Variants in ZNF736 observed in about 807,000 individuals in gnomAD.
The protein encoded by ZNF736 is KRAB-containing zinc-finger repressor protein.
ZNF736 carries 6 observed loss-of-function variants against 11.7 expected under a neutral mutation model. The ratio of observed to expected loss-of-function variants is 0.51; its 90% CI spans 0.28 to 1.01. ZNF736 has a LOEUF of 1.01. ZNF736 is among the 50% of genes least tolerant of loss of function. The pLI, the probability that ZNF736 is intolerant of heterozygous loss-of-function variation, is 0.09. For synonymous variants in ZNF736, 139 were observed against 164.7 expected, an observed-to-expected ratio of 0.84 and a Z score of 1.19; for missense variants, 444 against 496.0, an observed-to-expected ratio of 0.90 and a Z score of 1.00.
chr7:64,345,406 T>C (rs1789396256), intron 3 of ZNF736, among the ~76,000 whole-genome samples: 1 of 152,008 alleles, frequency 6.6e-6, no homozygotes, highest in Non-Finnish European at 1.5e-5. Context: ...CAATGTTATG[T>C]CTTCCAACCC....
intron 1 of ZNF736, among the ~76,000 whole-genome samples, chr7:64,334,655 T>G (rs1378803529): frequency 6.6e-6 from 1 of 152,162 alleles, no homozygotes; most frequent in Non-Finnish European, 1.5e-5. Flanking sequence ...GGCAAGGATG[T>G]GGAGAAATAG....
intron 1 of ZNF736, among the ~76,000 whole-genome samples, chr7:64,335,620 G>T (rs1400573299): frequency 6.6e-6 from 1 of 152,152 alleles, no homozygotes; most frequent in Non-Finnish European, 1.5e-5. Flanking sequence ...GCAAAAACAA[G>T]ATTTAGCCAT....
Position 64,348,140 on chromosome 7 carries a change from G to A in ZNF736, c.277G>A (p.Asp93Asn), listed in dbSNP as rs145262202. 6.1e-3 allele frequency: 9,359 copies of A among 1,546,812 alleles called. 40 individuals carry two copies. Among genetic ancestry groups the A allele is most frequent in the Non-Finnish European group, 7.5e-3 (8,622 of 1,145,676 alleles). ...GATATTGCCGGATCATGACATAAAAGATTCATTTCAAAAAGTGATTCTGAG... is the reference window on the plus strand; with the variant it reads ...GATATTGCCGGATCATGACATAAAAAATTCATTTCAAAAAGTGATTCTGAG... ...AEILPDHDIK[D>N]SFQKVILRKY... is the part of the protein sequence containing the mutation. Residue 93 changes from aspartate (D) to asparagine (N), a missense_variant, in exon 4 of 4, where the codon GAT becomes AAT. Asp to Asn is a conservative substitution (Grantham distance 23). Transcript: ENST00000423484.
chr7:64,344,963 T>A (rs1789387710), intron 3 of ZNF736, among the ~76,000 whole-genome samples: 1 of 151,114 alleles, frequency 6.6e-6, no homozygotes, highest in South Asian at 2.1e-4. Context: ...TGAGATCTTA[T>A]GTAATTTTGT....
chr7:64,333,247 T>C (rs564601190), intron 1 of ZNF736, among the ~76,000 whole-genome samples: 1 of 152,300 alleles, frequency 6.6e-6, no homozygotes, highest in South Asian at 2.1e-4. Flanking sequence ...AACTCCTTTT[T>C]CACTTTTTAT....
At chr7:64,344,391 A>G (rs576374906) in intron 3 of ZNF736, among the ~76,000 whole-genome samples, 21 of 152,360 alleles carry the variant, frequency 1.4e-4, no homozygotes, top group African/African-American at 5.0e-4. Flanking sequence ...TTAGCAACAT[A>G]TCTTTAGAAC....
intron 3 of ZNF736, among the ~76,000 whole-genome samples, chr7:64,344,137 T>C (rs9987007): frequency 0.34 from 51,891 of 151,768 alleles, 9,537 homozygotes; most frequent in African/African-American, 0.49. Flanking sequence ...ACCCCGTCTC[T>C]AGTAAAAATA....
At chr7:64,335,835 T>C (rs1195672614) in intron 1 of ZNF736, among the ~76,000 whole-genome samples, 1 of 152,230 alleles carries the variant, frequency 6.6e-6, no homozygotes, top group Non-Finnish European at 1.5e-5. Flanking sequence ...AAACTCAAGC[T>C]TTACGCTAGA....
chr7:64,340,753 G>C (rs986677392), intron 3 of ZNF736, among the ~76,000 whole-genome samples: 4 of 152,038 alleles, frequency 2.6e-5, no homozygotes, highest in African/African-American at 9.7e-5. Context: ...ACTTTTCTAG[G>C]GGTAATGAAC....
chr7:64,325,516 CG>C (rs1789071775), intron 1 of ZNF736, among the ~76,000 whole-genome samples: 1 of 152,118 alleles, frequency 6.6e-6, no homozygotes, highest in Non-Finnish European at 1.5e-5. Context: ...TGCCACTCGT[CG>C]GGTGCCTGAT....
intron 2 of ZNF736, 22 bp from the exon 3 acceptor site, chr7:64,336,865 G>GTTT: frequency 6.8e-7 from 1 of 1,481,330 alleles, no homozygotes; most frequent in Non-Finnish European, 9.2e-7. Flanking sequence ...CAAGAGTCAT[G>GTTT]TTTTTTTTTC....
At position 64,350,250 on chromosome 7, in the gene ZNF736, T is replaced by C. The variant is rs548597948; in HGVS notation, c.*1103T>C. ...CCATATTTCTTAGAGGTTTTGTTCATTCCTCTTTATTCTTTTTTCACTGTT... is the reference window on the plus strand; with the variant it reads ...CCATATTTCTTAGAGGTTTTGTTCACTCCTCTTTATTCTTTTTTCACTGTT... On this transcript the variant is annotated 3_prime_UTR_variant, in exon 4 of 4. Transcript: ENST00000423484. 1 of 152,362 alleles carries C rather than the reference T, an allele frequency of 6.6e-6. No homozygotes were observed. Among genetic ancestry groups the C allele is most frequent in the South Asian group, 2.1e-4 (1 of 4,828 alleles). The allele number at this position is 152,362 out of a possible 1,614,324, so 9.4% of individuals were successfully genotyped here.
chr7:64,332,572 G>T (rs533555965), intron 1 of ZNF736, among the ~76,000 whole-genome samples: 1 of 152,228 alleles, frequency 6.6e-6, no homozygotes, highest in South Asian at 2.1e-4. Context: ...ACAGAAAACA[G>T]GTTTCAAGAG....
intron 1 of ZNF736, among the ~76,000 whole-genome samples, chr7:64,333,006 T>C (rs752943376): frequency 1.7e-4 from 26 of 152,330 alleles, no homozygotes; most frequent in Middle Eastern, 3.4e-3. Flanking sequence ...GTTAACACAA[T>C]TATTACAGTG....
intron 3 of ZNF736, among the ~76,000 whole-genome samples, chr7:64,337,622 T>C (rs1281823724): frequency 6.6e-6 from 1 of 152,208 alleles, no homozygotes; most frequent in East Asian, 1.9e-4. Context: ...TTGGTAAATA[T>C]GGCCAAATTC....
chr7:64,323,985 A>G (rs1283813744), intron 1 of ZNF736, among the ~76,000 whole-genome samples: 3 of 152,230 alleles, frequency 2.0e-5, no homozygotes, highest in African/African-American at 7.2e-5. Context: ...ATTTGAAAAC[A>G]TAATCTTATC....
chr7:64,338,585 G>A lies in ZNF736; in HGVS notation c.226+1603G>A, dbSNP rs1229428907. Among the ~76,000 whole-genome samples the A allele has an allele frequency of 3.3e-5, 5 of 152,092 alleles. No individual in the cohort carries two copies. In the South Asian group the frequency reaches 6.2e-4, roughly 19 times the overall value. ...CTTATTATATTCTCCATAGAAGTGA[G>A]ATCATACAGTATTTGTCTGTTTCTG... On this transcript the variant is annotated intron_variant, in intron 3 of 3. Coordinates refer to ENST00000423484, the MANE Select transcript of ZNF736 (RefSeq NM_001170905.3).
In ZNF736 at chr7:64,351,168, GT is replaced by G. The variant is rs1385846005; in HGVS notation, c.*2023del. 2.0e-5 allele frequency: 3 copies of G among 152,262 alleles called. No homozygotes were observed. Among genetic ancestry groups the G allele is most frequent in the African/African-American group, 4.8e-5 (2 of 41,450 alleles). 9.4% of individuals were successfully genotyped at this position (152,262 alleles called of 1,614,324 possible). ...AGAGTGATTGTTCAGAGTGTGGGAG[GT>G]TACCCTGTTCTCTGCACAGTGTTAG... is the stretch of plus-strand genomic sequence containing the variant. On this transcript the variant is annotated 3_prime_UTR_variant, in exon 4 of 4. Transcript: ENST00000423484.
At chr7:64,333,304 C>T (rs1273400891) in intron 1 of ZNF736, among the ~76,000 whole-genome samples, 5 of 152,118 alleles carry the variant, frequency 3.3e-5, no homozygotes, top group Admixed American at 2.0e-4. Flanking sequence ...TCCTTATATA[C>T]CAGAGCCTTC....
Sources: allele counts gnomAD v4.1 joint callset (sites outside exome capture counted in the v4.1 genomes callset), GRCh38; gene constraint gnomAD v4.1.1; transcripts MANE v1.5; gene names NCBI Gene and HGNC (gene_info 2026-07-23, HGNC 2026-07-21).